The following MICU3 variants were observed in gnomAD, a reference collection of about 807,000 sequenced individuals.
MICU3 encodes calcium uptake protein 3, mitochondrial.
MICU3 carries 62 observed loss-of-function variants against 66.5 expected under a neutral mutation model. That is an observed-to-expected ratio of 0.93 (90% CI 0.76 to 1.15). The LOEUF (loss-of-function observed/expected upper bound fraction) is 1.15. MICU3 is among the 50% of genes most tolerant of loss of function. The probability of loss-of-function intolerance (pLI) is 0.00; values close to 1 mark genes in which losing one functional copy is unlikely to be tolerated. For synonymous variants in MICU3, 308 were observed against 240.7 expected (o/e 1.28, Z -2.59); for missense variants, 779 against 664.4 (o/e 1.17, Z -1.90).
chr8:17,029,257 C>T (rs1189804689), intron 1 of MICU3, among the ~76,000 whole-genome samples: 1 of 152,236 alleles, frequency 6.6e-6, no homozygotes, highest in Non-Finnish European at 1.5e-5. Context: ...AAGCAGATCA[C>T]CTGAGGTCAG....
chr8:17,032,678 G>A (rs565437244), intron 1 of MICU3, among the ~76,000 whole-genome samples: 16 of 152,056 alleles, frequency 1.1e-4, no homozygotes, highest in Non-Finnish European at 2.4e-4. Context: ...CCAGAATATC[G>A]AAGAATTTGC....
chr8:17,124,744 G>A (rs1469284299), downstream of MICU3, among the ~76,000 whole-genome samples: 2 of 151,780 alleles, frequency 1.3e-5, no homozygotes, highest in East Asian at 1.9e-4. Flanking sequence ...CTTTGGTAAC[G>A]GCTCGTCCAG....
the MICU3 span, among the ~76,000 whole-genome samples, chr8:17,128,568 CA>C: frequency 6.6e-6 from 1 of 152,164 alleles, no homozygotes; most frequent in East Asian, 1.9e-4. Context: ...TTGCTGAAAT[CA>C]AAACCTCCAT....
At chr8:17,129,223 A>G in the MICU3 span, among the ~76,000 whole-genome samples, 2,067 of 152,340 alleles carry the variant, frequency 0.014, 53 homozygotes, top group African/African-American at 0.047. Context: ...CCTACTGTCA[A>G]CAGTGTAGTA....
chr8:17,072,408 G>A (rs1184342697), intron 3 of MICU3, among the ~76,000 whole-genome samples: 1 of 149,792 alleles, frequency 6.7e-6, no homozygotes, highest in African/African-American at 2.4e-5. Context: ...TCTTATTTGT[G>A]ACAAAAATTC....
chr8:17,083,252 C>G (rs1563349236), intron 5 of MICU3, among the ~76,000 whole-genome samples: 1 of 151,980 alleles, frequency 6.6e-6, no homozygotes, highest in Non-Finnish European at 1.5e-5. Flanking sequence ...GCTGATCCAT[C>G]AAGTGTGGGG....
chr8:17,054,590 C>G (rs905922456), intron 1 of MICU3, among the ~76,000 whole-genome samples: 1 of 152,110 alleles, frequency 6.6e-6, no homozygotes, highest in South Asian at 2.1e-4. Flanking sequence ...CTGTAGGATA[C>G]TAATAATACT....
chr8:17,048,754 T>C lies in MICU3; in HGVS notation c.382-15330T>C, dbSNP rs980123450. On this transcript the variant is annotated intron_variant, in intron 1 of 14. Coordinates refer to ENST00000318063, the MANE Select transcript of MICU3 (RefSeq NM_181723.3). ...CCTCCGCTTCCTGAGTAGTTGGGACTACCTCATACATCACCACACCCAGCT... is the reference window on the plus strand; with the variant it reads ...CCTCCGCTTCCTGAGTAGTTGGGACCACCTCATACATCACCACACCCAGCT... Among the ~76,000 whole-genome samples, 183 of 152,266 alleles carry C rather than the reference T, an allele frequency of 1.2e-3. 1 individual carries two copies. Among genetic ancestry groups the C allele is most frequent in the Non-Finnish European group, 2.5e-4 (17 of 68,016 alleles).
chr8:17,054,574 A>G (rs941866857), intron 1 of MICU3, among the ~76,000 whole-genome samples: 2 of 152,082 alleles, frequency 1.3e-5, no homozygotes, highest in Non-Finnish European at 2.9e-5. Flanking sequence ...GTTTTTGTAA[A>G]CTAAACTGTA....
At chr8:17,115,732 C>G (rs756259640) in intron 12 of MICU3, among the ~76,000 whole-genome samples, 2 of 152,104 alleles carry the variant, frequency 1.3e-5, no homozygotes, top group Non-Finnish European at 2.9e-5. Context: ...ATGGAAAACT[C>G]TTAAGTTTTC....
At chr8:17,046,648 G>A (rs1815139206) in intron 1 of MICU3, among the ~76,000 whole-genome samples, 1 of 152,162 alleles carries the variant, frequency 6.6e-6, no homozygotes, top group East Asian at 1.9e-4. Context: ...TAGGCACTTG[G>A]ACTTTAGTGC....
intron 4 of MICU3, 62 bp downstream of exon 4, chr8:17,077,923 C>A: frequency 1.1e-6 from 1 of 926,782 alleles, no homozygotes; most frequent in Non-Finnish European, 1.6e-6. Context: ...TTTATATATG[C>A]ATATTTTCCC....
intron 1 of MICU3, among the ~76,000 whole-genome samples, chr8:17,052,541 CGTT>C (rs1285979675): frequency 6.6e-6 from 1 of 152,130 alleles, no homozygotes; most frequent in Non-Finnish European, 1.5e-5. Flanking sequence ...TGGTAACTAT[CGTT>C]GTACAATTAG....
chr8:17,116,579 C>G lies in MICU3; in HGVS notation c.1503C>G (p.Asp501Glu), dbSNP rs1802700688. 6 of 1,563,708 alleles carry G rather than the reference C, an allele frequency of 3.8e-6. No homozygotes were observed. The East Asian group carries it at 1.4e-4, about 37-fold the overall frequency. The change falls in exon 13 of 15, where the codon GAC (aspartate) becomes GAG (glutamate). Residue 501 changes from aspartate to glutamate, a missense_variant. Coordinates refer to ENST00000318063, the MANE Select transcript of MICU3 (RefSeq NM_181723.3). ...SYKEFIGIMK[D>E]RLHRGFRGYK... ...AAGAATTTATTGGAATTATGAAAGA[C>G]AGACTCCATAGAGGATTCCGGGTAA... is the stretch of plus-strand genomic sequence containing the variant.
At chr8:17,079,617 A>G (rs1159602176) in intron 4 of MICU3, among the ~76,000 whole-genome samples, 1 of 151,920 alleles carries the variant, frequency 6.6e-6, no homozygotes, top group East Asian at 1.9e-4. Context: ...ATCATGGCTC[A>G]TTGCAGCCTT....
At chr8:17,111,699 T>A (rs1449522854) in intron 11 of MICU3, among the ~76,000 whole-genome samples, 1 of 152,180 alleles carries the variant, frequency 6.6e-6, no homozygotes, top group East Asian at 1.9e-4. Flanking sequence ...TTATAAATGG[T>A]ATGAAGTTAG....
At chr8:17,052,886 G>A (rs1816335243) in intron 1 of MICU3, among the ~76,000 whole-genome samples, 1 of 152,058 alleles carries the variant, frequency 6.6e-6, no homozygotes, top group South Asian at 2.1e-4. Flanking sequence ...TCCCATGCAA[G>A]TCCATAAGAT....
chr8:17,040,642 T>A (rs182575764), intron 1 of MICU3, among the ~76,000 whole-genome samples: 194 of 152,270 alleles, frequency 1.3e-3, no homozygotes, highest in African/African-American at 4.3e-3. Flanking sequence ...CATAAACATA[T>A]GAAAAAAAAT....
rs1803198898 is a variant in MICU3, at chr8:17,121,545, T to C, written c.*1258T>C. ...GTATTTACATATTGCATATGGAAGA[T>C]AAGTTCATTTATCTTCCTTTCTAAG... On this transcript the variant is annotated 3_prime_UTR_variant, in exon 15 of 15. Transcript: ENST00000318063. The C allele has an allele frequency of 6.6e-6, 1 of 152,220 alleles. No homozygotes were observed. The highest frequency in any genetic ancestry group is 2.4e-5 in the African/African-American group (1 of 41,438). 9.4% of individuals were successfully genotyped at this position (152,220 alleles called of 1,614,324 possible).
Sources: gnomAD v4.1 joint callset for allele counts (sites outside exome capture counted in the v4.1 genomes callset) on GRCh38, gnomAD v4.1.1 for gene constraint, MANE v1.5 for transcripts, NCBI Gene and HGNC (gene_info 2026-07-23, HGNC 2026-07-21) for gene names.